The following UBE2D2 variants were observed in gnomAD, a reference collection of about 807,000 sequenced individuals.
The protein encoded by UBE2D2 is ubiquitin conjugating enzyme E2 D2.
In UBE2D2, 2 loss-of-function variants were observed where a neutral mutation model predicts 24.2. That is an observed-to-expected ratio of 0.08 (90% confidence interval 0.03 to 0.26). The LOEUF (loss-of-function observed/expected upper bound fraction) is 0.26. Ranked by LOEUF, UBE2D2 falls within the 10% of genes least tolerant of loss-of-function variation. UBE2D2 has a pLI of 1.00. For synonymous variants in UBE2D2, 58 were observed against 56.5 expected, an observed-to-expected ratio of 1.03 and a Z score of -0.12; for missense variants, 44 against 177.6, an observed-to-expected ratio of 0.25 and a Z score of 4.28.
chr5:139,592,059 G>A (rs188408507), intron 1 of UBE2D2, among the ~76,000 whole-genome samples: 2 of 152,122 alleles, frequency 1.3e-5, no homozygotes, highest in Admixed American at 6.6e-5. Context: ...AAAATTAGCC[G>A]GGCCTGGTGG....
At chr5:139,527,292 C>A (rs148532106) in intron 1 of UBE2D2, among the ~76,000 whole-genome samples, 2 of 152,152 alleles carry the variant, frequency 1.3e-5, no homozygotes, top group African/African-American at 2.4e-5. Flanking sequence ...CCCCTTCCCC[C>A]TCTCCCCACA....
chr5:139,595,897 T>G (rs1225382299), intron 1 of UBE2D2, among the ~76,000 whole-genome samples: 11 of 142,992 alleles, frequency 7.7e-5, no homozygotes, highest in Non-Finnish European at 1.1e-4. Flanking sequence ...TTGTTGTTTT[T>G]TTTTTTTTTT....
chr5:139,560,096 T>C (rs1456693410), upstream of UBE2D2, among the ~76,000 whole-genome samples: 2 of 150,596 alleles, frequency 1.3e-5, no homozygotes, highest in Non-Finnish European at 3.0e-5. Context: ...TGCAATGGCG[T>C]GCTCTCGGCT....
intron 1 of UBE2D2, among the ~76,000 whole-genome samples, chr5:139,532,933 C>T (rs950307965): frequency 2.0e-5 from 3 of 151,842 alleles, no homozygotes; most frequent in Admixed American, 6.6e-5. Flanking sequence ...ATGGCGAAAC[C>T]CCGTCTCTAC....
chr5:139,623,552 G>T (rs969687687), intron 6 of UBE2D2, 91 bp downstream of exon 6: 7 of 1,022,874 alleles, frequency 6.8e-6, no homozygotes, highest in Non-Finnish European at 1.0e-5. Context: ...ATATCGGCCA[G>T]ATATTTAAAG....
rs1284705623 is a variant in UBE2D2 at position 139,552,594 on chromosome 5, C to T, written c.-64+25982C>T. On this transcript the variant is annotated intron_variant, in intron 1 of 6. Coordinates refer to the UBE2D2 transcript ENST00000511725. ...CGAGATCTCGGCTCACGGCAACCTC[C>T]GCCTCCTGGGATCAAGTGATTCTCC... 5.3e-5 allele frequency among the ~76,000 whole-genome samples: 8 copies of T among 150,198 alleles called. No individual in the cohort carries two copies. The East Asian group carries it at 9.7e-4, about 18-fold the overall frequency.
At chr5:139,590,779 C>CTTTTTTTTTT (rs1561513230) in intron 1 of UBE2D2, among the ~76,000 whole-genome samples, 11 of 56,036 alleles carry the variant, frequency 2.0e-4, no homozygotes, top group Non-Finnish European at 3.4e-4. Context: ...ATTTTCTCTT[C>CTTTTTTTTTT]TTCTTTTTTT....
intron 6 of UBE2D2, 137 bp from the exon 7 acceptor site, chr5:139,626,619 A>G: frequency 1.4e-6 from 1 of 690,286 alleles, no homozygotes; most frequent in South Asian, 1.7e-5. Context: ...CTTATCAGAA[A>G]TTTGGGATAG....
intron 1 of UBE2D2, among the ~76,000 whole-genome samples, chr5:139,565,425 G>A (rs1188752548): frequency 6.6e-6 from 1 of 152,086 alleles, no homozygotes; most frequent in African/African-American, 2.4e-5. Flanking sequence ...TGGGATTGTT[G>A]GTATCTACAC....
rs869189901 is a variant in UBE2D2 at position 139,577,404 on chromosome 5, C to CTTTT, written c.24+15611_24+15614dup. On this transcript the variant is annotated intron_variant, in intron 1 of 6. Coordinates refer to ENST00000398733, the MANE Select transcript of UBE2D2 (RefSeq NM_003339.3). Reference sequence around the variant, plus strand: ...AAACAGGATGCCAGTTAGCATCTCTCTTTTTTTTTTTTTTTTTTTTTTTTT... The same window carrying CTTTT: ...AAACAGGATGCCAGTTAGCATCTCTCTTTTTTTTTTTTTTTTTTTTTTTTTTTTT... 1.9e-3 allele frequency among the ~76,000 whole-genome samples: 132 copies of CTTTT among 69,100 alleles called. 1 individual carries two copies. The highest frequency in any genetic ancestry group is 2.3e-3 in the Non-Finnish European group (85 of 36,916). 45.3% of individuals were successfully genotyped at this position (69,100 alleles called of 152,430 possible).
rs190497498 is a variant in UBE2D2 at position 139,565,083 on chromosome 5, T to G, written c.24+3268T>G. Among the ~76,000 whole-genome samples, 100 of 152,314 alleles carry G rather than the reference T, an allele frequency of 6.6e-4. 2 individuals are homozygous for G. The highest frequency in any genetic ancestry group is 5.9e-3 in the Admixed American group (90 of 15,292). On this transcript the variant is annotated intron_variant, in intron 1 of 6. Transcript: ENST00000398733. ...TGATCTTGAACCTTCCCAATTATCA[T>G]TCCCTGAAAAAATAATTCTACTTAA...
At chr5:139,543,264 TTGTG>T (rs980280380) in intron 1 of UBE2D2, among the ~76,000 whole-genome samples, 8 of 152,170 alleles carry the variant, frequency 5.3e-5, no homozygotes, top group African/African-American at 1.9e-4. Flanking sequence ...AAGGTAAACT[TTGTG>T]TGACACCCCT....
chr5:139,560,432 G>A (rs1483636297), upstream of UBE2D2, among the ~76,000 whole-genome samples: 3 of 151,856 alleles, frequency 2.0e-5, no homozygotes, highest in African/African-American at 7.3e-5. Flanking sequence ...TCCTGACCTC[G>A]TGATCCGCCT....
At chr5:139,595,368 C>T (rs2126680415) in intron 1 of UBE2D2, among the ~76,000 whole-genome samples, 1 of 152,136 alleles carries the variant, frequency 6.6e-6, no homozygotes, top group South Asian at 2.1e-4. Context: ...TTAGATTACA[C>T]CCCAAATGAC....
At chr5:139,608,154 C>T (rs141520613) in intron 2 of UBE2D2, among the ~76,000 whole-genome samples, 152 of 151,592 alleles carry the variant, frequency 1.0e-3, no homozygotes, top group South Asian at 1.9e-3. Flanking sequence ...TATTCTGGCC[C>T]GGCGTGGTAG....
chr5:139,590,782 CTTTTTTTTTTTTTTTTTTT>C lies in UBE2D2; in HGVS notation c.25-9578_25-9560del, dbSNP rs57962602. Among the ~76,000 whole-genome samples, 4 of 38,424 alleles carry C rather than the reference CTTTTTTTTTTTTTTTTTTT, an allele frequency of 1.0e-4. No individual in the cohort carries two copies. In the East Asian group the frequency reaches 1.8e-3, roughly 18 times the overall value. The allele number at this position is 38,424 out of a possible 152,430, so 25.2% of individuals were successfully genotyped here. On this transcript the variant is annotated intron_variant, in intron 1 of 6. Coordinates refer to ENST00000398733, the MANE Select transcript of UBE2D2 (RefSeq NM_003339.3). ...TTCATGGTGGGTATTTTCTCTTCTTCTTTTTTTTTTTTTTTTTTTTTTTTTTTTTTGAGATGTAGTCTTG... is the reference window on the plus strand; with the variant it reads ...TTCATGGTGGGTATTTTCTCTTCTTCTTTTTTTTTTTGAGATGTAGTCTTG...
At chr5:139,532,063 G>A (rs1419179123) in intron 1 of UBE2D2, among the ~76,000 whole-genome samples, 1 of 151,960 alleles carries the variant, frequency 6.6e-6, no homozygotes, top group South Asian at 2.1e-4. Flanking sequence ...CTGTTGGTGG[G>A]GGATGTAAAT....
intron 1 of UBE2D2, among the ~76,000 whole-genome samples, chr5:139,577,508 G>C (rs570092124): frequency 6.6e-6 from 1 of 150,862 alleles, no homozygotes; most frequent in East Asian, 2.0e-4. Context: ...CCGCCTCCCG[G>C]GTTCAAGCAA....
chr5:139,620,918 C>T lies in UBE2D2; in HGVS notation c.305-2450C>T, dbSNP rs181198295. On this transcript the variant is annotated intron_variant, in intron 5 of 6. Coordinates refer to ENST00000398733, the MANE Select transcript of UBE2D2 (RefSeq NM_003339.3). Reference sequence around the variant, plus strand: ...ACTTAATGTAATCAGTGACTTTATGCCCCCTTTGCATTCAGTAAGGAATGC... The same window carrying T: ...ACTTAATGTAATCAGTGACTTTATGTCCCCTTTGCATTCAGTAAGGAATGC... Among the ~76,000 whole-genome samples the T allele has an allele frequency of 2.6e-4, 40 of 152,242 alleles. 1 individual carries two copies. The highest frequency in any genetic ancestry group is 9.1e-4 in the African/African-American group (38 of 41,544).
Sources: gnomAD v4.1 joint callset for allele counts (sites outside exome capture counted in the v4.1 genomes callset) on GRCh38, gnomAD v4.1.1 for gene constraint, MANE v1.5 for transcripts, NCBI Gene and HGNC (gene_info 2026-07-23, HGNC 2026-07-21) for gene names.